Variants in CAMTA1 observed in about 807,000 individuals in gnomAD.
The protein encoded by CAMTA1 is calmodulin-binding transcription activator 1.
A neutral mutation model predicts 170.9 loss-of-function variants in CAMTA1; 27 were observed. The observed-to-expected ratio is 0.16, with a 90% CI of 0.12 to 0.22. CAMTA1 has a LOEUF of 0.22. Ranked by LOEUF, CAMTA1 falls within the 10% of genes least tolerant of loss-of-function variation. The pLI is 1.00. For synonymous variants in CAMTA1, 833 were observed against 891.5 expected, an observed-to-expected ratio of 0.93 and a Z score of 1.17; for missense variants, 1,619 against 2,217.2, an observed-to-expected ratio of 0.73 and a Z score of 5.42.
intron 3 of CAMTA1, among the ~76,000 whole-genome samples, chr1:6,847,977 C>T (rs1286382497): frequency 6.6e-6 from 1 of 151,622 alleles, no homozygotes; most frequent in Non-Finnish European, 1.5e-5. Context: ...TCCCAAAGTG[C>T]TGGGATTACA....
chr1:7,754,646 T>TA (rs1213225112), intron 21 of CAMTA1, among the ~76,000 whole-genome samples: 8 of 152,226 alleles, frequency 5.3e-5, no homozygotes, highest in Non-Finnish European at 1.2e-4. Context: ...TTTTAACTGT[T>TA]AATAACCTTA....
At chr1:7,702,749 AATG>A (rs1481899154) in intron 11 of CAMTA1, among the ~76,000 whole-genome samples, 1 of 152,198 alleles carries the variant, frequency 6.6e-6, no homozygotes, top group African/African-American at 2.4e-5. Flanking sequence ...TATGCAACTC[AATG>A]ATTTTTCACA....
At chr1:6,960,281 G>A (rs1022645648) in intron 3 of CAMTA1, among the ~76,000 whole-genome samples, 3 of 152,292 alleles carry the variant, frequency 2.0e-5, no homozygotes, top group Admixed American at 6.5e-5. Context: ...TAAACGAGAC[G>A]TGAGTGGAGG....
At chr1:6,893,553 A>G (rs1417806990) in intron 3 of CAMTA1, among the ~76,000 whole-genome samples, 2 of 152,194 alleles carry the variant, frequency 1.3e-5, no homozygotes, top group Non-Finnish European at 2.9e-5. Context: ...ATCCCTGTTG[A>G]TTAGGTTTGC....
chr1:7,112,836 C>T (rs999832220), intron 4 of CAMTA1, among the ~76,000 whole-genome samples: 13 of 152,204 alleles, frequency 8.5e-5, no homozygotes, highest in East Asian at 3.8e-4. Flanking sequence ...TTTGATCCCA[C>T]GGGCCATTTG....
At chr1:7,605,992 C>G (rs988791840) in intron 6 of CAMTA1, among the ~76,000 whole-genome samples, 37 of 152,220 alleles carry the variant, frequency 2.4e-4, no homozygotes, top group African/African-American at 8.9e-4. Context: ...TCCCTGCCCT[C>G]CTGCCCTCGG....
intron 4 of CAMTA1, among the ~76,000 whole-genome samples, chr1:7,188,128 A>C (rs916213687): frequency 2.0e-5 from 3 of 152,064 alleles, no homozygotes; most frequent in African/African-American, 7.2e-5. Flanking sequence ...ACGAGAACTC[A>C]CTCATTATCC....
chr1:6,920,998 G>A (rs917559639), intron 3 of CAMTA1, among the ~76,000 whole-genome samples: 2 of 152,210 alleles, frequency 1.3e-5, no homozygotes, highest in African/African-American at 4.8e-5. Context: ...CTAACATTCG[G>A]CTCCTCGTTA....
intron 5 of CAMTA1, among the ~76,000 whole-genome samples, chr1:7,266,147 T>C (rs1668885634): frequency 6.6e-6 from 1 of 152,212 alleles, no homozygotes; most frequent in African/African-American, 2.4e-5. Flanking sequence ...ATCCAGTAGA[T>C]TGGCAAGAGA....
intron 5 of CAMTA1, among the ~76,000 whole-genome samples, chr1:7,330,067 A>G (rs1436258863): frequency 6.6e-6 from 1 of 152,142 alleles, no homozygotes; most frequent in East Asian, 1.9e-4. Context: ...CTAGGCAGGC[A>G]GCAGACATGG....
At chr1:7,505,295 G>A (rs1056723647) in intron 6 of CAMTA1, among the ~76,000 whole-genome samples, 22 of 152,252 alleles carry the variant, frequency 1.4e-4, no homozygotes, top group Non-Finnish European at 2.9e-5. Context: ...CAGCCAAGTC[G>A]AGGCTCCCTC....
chr1:7,763,667 T>C (rs1197948169), intron 22 of CAMTA1, among the ~76,000 whole-genome samples: 2 of 152,262 alleles, frequency 1.3e-5, no homozygotes, highest in African/African-American at 4.8e-5. Flanking sequence ...CAGCTGATTA[T>C]AGATTCTTTG....
intron 4 of CAMTA1, among the ~76,000 whole-genome samples, chr1:7,208,087 C>A (rs535642522): frequency 6.6e-6 from 1 of 152,352 alleles, no homozygotes; most frequent in South Asian, 2.1e-4. Flanking sequence ...CAACAGCACA[C>A]CCTCCAGGCA....
intron 3 of CAMTA1, among the ~76,000 whole-genome samples, chr1:7,076,688 T>C (rs1384850794): frequency 6.6e-6 from 1 of 152,110 alleles, no homozygotes; most frequent in East Asian, 1.9e-4. Flanking sequence ...GATTGATTAA[T>C]AATATGTGAG....
intron 3 of CAMTA1, among the ~76,000 whole-genome samples, chr1:7,082,202 C>CT (rs1640107038): frequency 6.6e-6 from 1 of 152,132 alleles, no homozygotes. Context: ...CTTTGGGAGG[C>CT]TGAGGTGGGT....
intron 5 of CAMTA1, among the ~76,000 whole-genome samples, chr1:7,432,802 C>A (rs1197307404): frequency 6.6e-6 from 1 of 152,240 alleles, no homozygotes; most frequent in Non-Finnish European, 1.5e-5. Flanking sequence ...GCCCTTCTGC[C>A]TTTCAGCTTC....
chr1:7,739,167 C>T (rs918304896), intron 16 of CAMTA1, among the ~76,000 whole-genome samples: 4 of 152,076 alleles, frequency 2.6e-5, no homozygotes, highest in African/African-American at 9.6e-5. Flanking sequence ...GTTTGAATTC[C>T]TCTCTTTCCA....
chr1:7,481,525 C>T (rs1044677565), intron 6 of CAMTA1, among the ~76,000 whole-genome samples: 25 of 152,172 alleles, frequency 1.6e-4, no homozygotes, highest in African/African-American at 5.8e-4. Flanking sequence ...TCTACTGTTC[C>T]CTCACTCTCT....
rs114427115 is a variant in CAMTA1, at chr1:7,637,670, G to A, written c.511-2730G>A. On this transcript the variant is annotated intron_variant, in intron 6 of 22. Transcript: ENST00000303635. ...GCCAGCAGATGTCCTGGCAGGACCC[G>A]AACCTGGAGTCAGAGCCCCAGCTTC... Among the ~76,000 whole-genome samples the A allele has an allele frequency of 8.4e-3, 1,286 of 152,290 alleles. 19 individuals carry two copies. The highest frequency in any genetic ancestry group is 0.028 in the African/African-American group (1,183 of 41,576).
Sources: gnomAD v4.1 joint callset for allele counts (sites outside exome capture counted in the v4.1 genomes callset) on GRCh38, gnomAD v4.1.1 for gene constraint, MANE v1.5 for transcripts, NCBI Gene and HGNC (gene_info 2026-07-23, HGNC 2026-07-21) for gene names.